SENP7: variants seen among roughly 807,000 people sequenced by gnomAD.
SENP7 encodes the protein sentrin-specific protease 7.
A neutral mutation model predicts 141.2 loss-of-function variants in SENP7; 64 were observed. The ratio of observed to expected loss-of-function variants is 0.45; its 90% CI spans 0.37 to 0.56. SENP7 has a LOEUF of 0.56. Ranked by LOEUF, SENP7 falls within the 20% of genes least tolerant of loss-of-function variation. SENP7 has a pLI of 0.00. For synonymous variants in SENP7, 382 were observed against 426.4 expected, an observed-to-expected ratio of 0.90 and a Z score of 1.28; for missense variants, 1,025 against 1,212.2, an observed-to-expected ratio of 0.85 and a Z score of 2.29.
intron 3 of SENP7, among the ~76,000 whole-genome samples, chr3:101,490,974 G>T (rs1219993831): frequency 6.6e-6 from 1 of 151,952 alleles, no homozygotes; most frequent in Non-Finnish European, 1.5e-5. Flanking sequence ...CAAAATTTAA[G>T]TATCACTTAA....
At chr3:101,441,495 T>C (rs10936621) in intron 4 of SENP7, among the ~76,000 whole-genome samples, 60,414 of 152,012 alleles carry the variant, frequency 0.4, 12,527 homozygotes, top group Admixed American at 0.54. Flanking sequence ...CCACAGCCCA[T>C]ACACACTGTC....
chr3:101,376,697 A>C (rs372661760), intron 6 of SENP7, among the ~76,000 whole-genome samples: 2 of 152,288 alleles, frequency 1.3e-5, no homozygotes, highest in Non-Finnish European at 2.9e-5. Context: ...TGACGAGTTA[A>C]TGGGTGCAGC....
chr3:101,448,826 C>A (rs991226748), intron 4 of SENP7, among the ~76,000 whole-genome samples: 2 of 152,166 alleles, frequency 1.3e-5, no homozygotes, highest in African/African-American at 4.8e-5. Flanking sequence ...CACCTCTCCT[C>A]CTCCAAAGGA....
intron 4 of SENP7, among the ~76,000 whole-genome samples, chr3:101,419,497 G>A (rs1217180123): frequency 6.6e-6 from 1 of 152,184 alleles, no homozygotes; most frequent in Non-Finnish European, 1.5e-5. Flanking sequence ...TAGTTTAGAA[G>A]AATGGTGGGA....
chr3:101,442,629 GAAAAACAATACAAA>G (rs2062723497), intron 4 of SENP7, among the ~76,000 whole-genome samples: 2 of 151,294 alleles, frequency 1.3e-5, no homozygotes, highest in Non-Finnish European at 2.9e-5. Flanking sequence ...AGAGAACACA[GAAAAACAATACAAA>G]AAAAAATCAG....
chr3:101,467,089 G>C (rs1315126345), intron 3 of SENP7, among the ~76,000 whole-genome samples: 3 of 152,252 alleles, frequency 2.0e-5, no homozygotes, highest in African/African-American at 7.2e-5. Flanking sequence ...TGCTAGCACA[G>C]CACTCTGAGA....
intron 2 of SENP7, among the ~76,000 whole-genome samples, chr3:101,499,068 T>C (rs565971858): frequency 6.6e-6 from 1 of 152,270 alleles, no homozygotes; most frequent in Admixed American, 6.5e-5. Context: ...TAAGATAACA[T>C]TAGGAGAACC....
At chr3:101,326,478 A>C (rs185964112) in intron 23 of SENP7, among the ~76,000 whole-genome samples, 3 of 152,290 alleles carry the variant, frequency 2.0e-5, no homozygotes, top group Admixed American at 2.0e-4. Context: ...ATGCTTTCAA[A>C]GTACCGTTAA....
chr3:101,459,177 A>G, intron 3 of SENP7, 125 bp from the exon 4 acceptor site: 1 of 494,884 alleles, frequency 2.0e-6, no homozygotes, highest in Non-Finnish European at 3.5e-6. Flanking sequence ...GAGAAAAATA[A>G]TAAGTGCAAT....
chr3:101,453,896 C>T (rs2063252971), intron 4 of SENP7, among the ~76,000 whole-genome samples: 1 of 150,494 alleles, frequency 6.6e-6, no homozygotes, highest in Non-Finnish European at 1.5e-5. Context: ...AAACAAATGA[C>T]CAATTAGCAC....
chr3:101,355,055 C>T (rs1319762252), intron 11 of SENP7, among the ~76,000 whole-genome samples: 2 of 152,058 alleles, frequency 1.3e-5, no homozygotes, highest in African/African-American at 4.8e-5. Context: ...CCCTTGTCCA[C>T]TTTTTCATAG....
intron 3 of SENP7, among the ~76,000 whole-genome samples, chr3:101,472,323 T>TAA (rs200886356): frequency 2.6e-5 from 4 of 151,782 alleles, no homozygotes; most frequent in South Asian, 2.1e-4. Flanking sequence ...TATGCAGCCT[T>TAA]AAAAAAAATG....
chr3:101,399,000 T>C lies in SENP7; in HGVS notation c.538A>G (p.Ile180Val), dbSNP rs1403269693. Residue 180 changes from isoleucine (I) to valine (V), a missense_variant, in exon 6 of 24, where the codon ATA becomes GTA. Coordinates refer to ENST00000394095, the MANE Select transcript of SENP7 (RefSeq NM_020654.5). ...CCCTCAGTTACAGGTGGGGTCCTTA[T>C]GTATTTTCTTCCTAACTCCGTTCCC... ...VLGTELGRKY[I>V]RTPPVTEGSL... The C allele has an allele frequency of 2.5e-6, 4 of 1,613,500 alleles. No homozygotes were observed. The highest frequency in any genetic ancestry group is 3.4e-6 in the Non-Finnish European group (4 of 1,179,622).
At chr3:101,341,804 G>A (rs2059334312) in intron 14 of SENP7, 25 bp from the exon 15 acceptor site, 2 of 1,546,852 alleles carry the variant, frequency 1.3e-6, no homozygotes, top group Admixed American at 1.7e-5. Flanking sequence ...CAAGAAAAAG[G>A]GTCTCAAACA....
chr3:101,388,565 A>C (rs944503385), intron 6 of SENP7, among the ~76,000 whole-genome samples: 36 of 152,248 alleles, frequency 2.4e-4, no homozygotes, highest in African/African-American at 8.0e-4. Flanking sequence ...GCAGATATCA[A>C]TGTAAGAACA....
rs771376639 is a variant in SENP7 at position 101,365,590 on chromosome 3, G to A, written c.1319-599C>T. Among the ~76,000 whole-genome samples, 3 of 131,030 alleles carry A rather than the reference G, an allele frequency of 2.3e-5. No homozygotes were observed. The East Asian group carries it at 6.7e-4, about 29-fold the overall frequency. 86.0% of individuals were successfully genotyped at this position (131,030 alleles called of 152,430 possible). A position where few individuals can be genotyped will look rare whatever the true frequency, so the allele number is the denominator to read the frequency against. On this transcript the variant is annotated intron_variant, in intron 9 of 23. Coordinates refer to ENST00000394095, the MANE Select transcript of SENP7 (RefSeq NM_020654.5). The stretch of plus-strand genomic sequence containing the variant: ...GGGGAGGTTGCAGTGAGCCAAGATC[G>A]CACCACTGCACTCTAGCCTGGCCGA...
intron 4 of SENP7, among the ~76,000 whole-genome samples, chr3:101,454,189 A>C (rs940091850): frequency 2.6e-5 from 4 of 152,222 alleles, no homozygotes; most frequent in African/African-American, 9.6e-5. Context: ...TTCTAATCCT[A>C]GTTATCTATT....
At chr3:101,462,866 TAAA>T (rs776250326) in intron 3 of SENP7, among the ~76,000 whole-genome samples, 2 of 142,310 alleles carry the variant, frequency 1.4e-5, no homozygotes, top group Non-Finnish European at 3.1e-5. Flanking sequence ...AGACTCTGTC[TAAA>T]AAAAAAAAGA....
chr3:101,423,471 C>CA (rs1327973531), intron 4 of SENP7, among the ~76,000 whole-genome samples: 3 of 152,094 alleles, frequency 2.0e-5, no homozygotes, highest in Admixed American at 1.3e-4. Context: ...TAATACGGCA[C>CA]AATCACTTAT....
Sources: allele counts gnomAD v4.1 joint callset (sites outside exome capture counted in the v4.1 genomes callset), GRCh38; gene constraint gnomAD v4.1.1; transcripts MANE v1.5; gene names NCBI Gene and HGNC (gene_info 2026-07-23, HGNC 2026-07-21).